HIVEP1: variants seen among roughly 807,000 people sequenced by gnomAD.
HIVEP1 encodes the protein zinc finger protein 40.
Under a neutral mutation model 180.0 loss-of-function variants are expected in HIVEP1, and 36 were observed. That is an observed-to-expected ratio of 0.20 (90% CI 0.15 to 0.26). The LOEUF (loss-of-function observed/expected upper bound fraction) is 0.26. Ranked by LOEUF, HIVEP1 falls within the 10% of genes least tolerant of loss-of-function variation. HIVEP1 has a pLI of 1.00. For synonymous variants in HIVEP1, 1,239 were observed against 1,239.0 expected (o/e 1.00, Z 0.00); for missense variants, 3,143 against 3,268.7 (o/e 0.96, Z 0.94).
Position 12,125,633 on chromosome 6 carries a change from T to C in HIVEP1, c.5838T>C (p.Tyr1946=), listed in dbSNP as rs1758019039. The change falls in exon 4 of 9, where the codon TAT becomes TAC. Residue 1946 remains tyrosine, a synonymous_variant. Transcript: ENST00000379388. ...LKTTTNFTWC[Y]LLRQKSLHLP... is the part of the protein sequence containing the mutation. ...CTACAACCAACTTTACATGGTGTTA[T>C]CTCTTAAGGCAGAAGTCGTTGCATT... is the stretch of plus-strand genomic sequence containing the variant. The C allele has an allele frequency of 6.2e-7, 1 of 1,614,082 alleles. No individual in the cohort carries two copies. The highest frequency in any genetic ancestry group is 8.5e-7 in the Non-Finnish European group (1 of 1,180,032).
intron 2 of HIVEP1, among the ~76,000 whole-genome samples, chr6:12,043,103 T>C (rs913307902): frequency 1.3e-4 from 20 of 152,228 alleles, no homozygotes; most frequent in Non-Finnish European, 2.4e-4. Flanking sequence ...TCCTGTGCTA[T>C]ACTCTTTTGA....
chr6:12,121,998 A>C lies in HIVEP1; in HGVS notation c.2203A>C (p.Met735Leu). Reference sequence around the variant, plus strand: ...AAAGGCATTGCTTTTACCAGGTCAGATGCGCCCACCTTTGGCCACAAAAAC... The same window carrying C: ...AAAGGCATTGCTTTTACCAGGTCAGCTGCGCCCACCTTTGGCCACAAAAAC... ...GEKALLLPGQ[M>L]RPPLATKTLE... Residue 735 changes from methionine to leucine, a missense_variant, in exon 4 of 9, where the codon ATG becomes CTG. This residue lies in a region of HIVEP1 where 365 missense variants were observed against 344.4 expected (regional missense o/e 1.06). Coordinates refer to ENST00000379388, the MANE Select transcript of HIVEP1 (RefSeq NM_002114.4). This position sits in a 1 kb window ranked among gnomAD's most constrained non-coding sequence, Gnocchi z 5.3. 1.2e-6 allele frequency: 2 copies of C among 1,614,166 alleles called. No individual in the cohort carries two copies. Among genetic ancestry groups the C allele is most frequent in the Non-Finnish European group, 1.7e-6 (2 of 1,180,030 alleles).
intron 8 of HIVEP1, 70 bp downstream of exon 8, chr6:12,161,999 G>A: frequency 7.2e-7 from 1 of 1,386,034 alleles, no homozygotes; most frequent in South Asian, 1.4e-5. Context: ...GAACTTAATG[G>A]CTTAAGAAAA....
chr6:12,125,489 A>G lies in HIVEP1; in HGVS notation c.5694A>G (p.Pro1898=). ...ACAATAACCAAGAAAGGAAGTCTCC[A>G]GGGGTTAAAAATCAAGGTGACAAAG... The part of the protein sequence containing the change: ...CTDNNQERKS[P]GVKNQGDKVN... Residue 1898 remains proline (P), a synonymous_variant, in exon 4 of 9, where the codon CCA becomes CCG. Transcript: ENST00000379388. 6.2e-7 allele frequency: 1 copy of G among 1,614,136 alleles called. No homozygotes were observed. The highest frequency in any genetic ancestry group is 8.5e-7 in the Non-Finnish European group (1 of 1,179,986).
chr6:12,068,768 CATATGTTCAT>C (rs1339691279), intron 2 of HIVEP1, among the ~76,000 whole-genome samples: 5 of 152,100 alleles, frequency 3.3e-5, no homozygotes, highest in African/African-American at 1.2e-4. Context: ...CATATTTACA[CATATGTTCAT>C]ATATATTATA....
At chr6:12,038,744 C>G (rs1189515275) in intron 2 of HIVEP1, 1 of 152,398 alleles carries the variant, frequency 6.6e-6, no homozygotes, top group Non-Finnish European at 1.5e-5. Flanking sequence ...CCACCACCAC[C>G]AACAACAACA....
chr6:12,090,097 A>G (rs1278582572), intron 3 of HIVEP1, among the ~76,000 whole-genome samples: 1 of 152,074 alleles, frequency 6.6e-6, no homozygotes, highest in Non-Finnish European at 1.5e-5. Flanking sequence ...TCCAAGTAAT[A>G]TAAAAAAATA....
Position 12,122,127 on chromosome 6 carries a change from G to A in HIVEP1, c.2332G>A (p.Gly778Arg). 3 of 1,614,198 alleles carry A rather than the reference G, an allele frequency of 1.9e-6. No homozygotes were observed. The highest frequency in any genetic ancestry group is 2.5e-6 in the Non-Finnish European group (3 of 1,180,026). ...GCGGAGAACCTCACTGTCAAGACGA[G>A]GAAGCATTGATTCCCCCAAATCATA... ...KPRRTSLSRRGSIDSPKSYIF... is the reference protein window; with the variant it reads ...KPRRTSLSRRRSIDSPKSYIF... Residue 778 changes from glycine to arginine, a missense_variant, in exon 4 of 9, where the codon GGA becomes AGA. Coordinates refer to ENST00000379388, the MANE Select transcript of HIVEP1 (RefSeq NM_002114.4).
At chr6:12,154,126 T>A (rs1759873819) in intron 7 of HIVEP1, among the ~76,000 whole-genome samples, 1 of 152,216 alleles carries the variant, frequency 6.6e-6, no homozygotes, top group Non-Finnish European at 1.5e-5. Context: ...AGTGAAGATA[T>A]GAATCCATAC....
At position 12,125,281 on chromosome 6, in the gene HIVEP1, A is replaced by G. The variant is rs1159734249; in HGVS notation, c.5486A>G (p.Asn1829Ser). ...CCTGAAATTAGTAATGAGGCTGTTA[A>G]TTTGACAAATGTTTTACCAGCTGAT... is the stretch of plus-strand genomic sequence containing the variant. Reference protein sequence around the residue: ...SQPEISNEAVNLTNVLPADNS... With the variant: ...SQPEISNEAVSLTNVLPADNS... Residue 1829 changes from asparagine (N) to serine (S), a missense_variant, in exon 4 of 9, where the codon AAT becomes AGT. By Grantham distance (46) the Asn-to-Ser change is conservative. Around this residue, in one of 12 missense-constraint regions of HIVEP1, gnomAD observed 1,357 missense variants for 1,260.5 expected, o/e 1.08. Transcript: ENST00000379388. The G allele has an allele frequency of 6.2e-7, 1 of 1,614,034 alleles. No individual in the cohort carries two copies. Among genetic ancestry groups the G allele is most frequent in the South Asian group, 1.1e-5 (1 of 91,014 alleles).
chr6:12,092,586 C>T (rs1278270811), intron 3 of HIVEP1, among the ~76,000 whole-genome samples: 1 of 152,092 alleles, frequency 6.6e-6, no homozygotes, highest in Non-Finnish European at 1.5e-5. Context: ...CAAAATGATG[C>T]TATATTGTTT....
chr6:12,015,608 G>A lies in HIVEP1; in HGVS notation c.-21G>A, dbSNP rs908263494. 1.9e-6 allele frequency: 3 copies of A among 1,610,300 alleles called. No individual in the cohort carries two copies. Among genetic ancestry groups the A allele is most frequent in the Admixed American group, 3.4e-5 (2 of 59,438 alleles). On this transcript the variant is annotated 5_prime_UTR_variant, in exon 2 of 9. Coordinates refer to ENST00000379388, the MANE Select transcript of HIVEP1 (RefSeq NM_002114.4). ...TATCTGCAGTTTTTAAGAAGAAAAA[G>A]AAGGCCCTGAGTCAAAGAAGATGCC...
Position 12,122,233 on chromosome 6 carries a change from C to T in HIVEP1, c.2438C>T (p.Pro813Leu). 2.5e-6 allele frequency: 4 copies of T among 1,614,208 alleles called. No individual in the cohort carries two copies. Among genetic ancestry groups the T allele is most frequent in the Non-Finnish European group, 3.4e-6 (4 of 1,180,030 alleles). Residue 813 changes from proline to leucine, a missense_variant, in exon 4 of 9, where the codon CCT (proline) becomes CTT (leucine). Coordinates refer to ENST00000379388, the MANE Select transcript of HIVEP1 (RefSeq NM_002114.4). ...TSSSSDIPKS[P>L]FTPTEKSKQV... ...TCAAGCTCTGATATACCGAAGTCAC[C>T]TTTCACCCCTACTGAAAAATCAAAG...
At chr6:12,185,842 G>A in the HIVEP1 span, among the ~76,000 whole-genome samples, 1 of 152,122 alleles carries the variant, frequency 6.6e-6, no homozygotes, top group Admixed American at 6.5e-5. Context: ...GCATTCTGAT[G>A]GAAATGAACA....
intron 2 of HIVEP1, among the ~76,000 whole-genome samples, chr6:12,072,000 A>C (rs867256666): frequency 5.1e-4 from 78 of 152,098 alleles, no homozygotes; most frequent in African/African-American, 1.9e-3. Flanking sequence ...GGGATTTGGC[A>C]ACCTTTTTTT....
At chr6:12,177,907 A>G in the HIVEP1 span, among the ~76,000 whole-genome samples, 2 of 152,250 alleles carry the variant, frequency 1.3e-5, no homozygotes, top group African/African-American at 4.8e-5. Context: ...TGATTAATTT[A>G]TAAAGAATAT....
the HIVEP1 span, among the ~76,000 whole-genome samples, chr6:12,194,569 G>A: frequency 6.8e-6 from 1 of 147,844 alleles, no homozygotes; most frequent in African/African-American, 2.4e-5. Context: ...GGGAGGCCGA[G>A]GTGGGTGGGT....
chr6:12,168,573 T>A (rs1393146853), downstream of HIVEP1, among the ~76,000 whole-genome samples: 2 of 151,646 alleles, frequency 1.3e-5, no homozygotes, highest in Non-Finnish European at 2.9e-5. Context: ...TACACTGATG[T>A]GAAAATGATA....
At chr6:12,085,265 A>G (rs1773044769) in intron 2 of HIVEP1, among the ~76,000 whole-genome samples, 1 of 152,076 alleles carries the variant, frequency 6.6e-6, no homozygotes, top group South Asian at 2.1e-4. Flanking sequence ...GTTTGCCCAG[A>G]GAAGCCCCAT....
Sources: allele counts gnomAD v4.1 joint callset (sites outside exome capture counted in the v4.1 genomes callset), GRCh38; gene constraint gnomAD v4.1.1; regional missense constraint gnomAD v4.1.1; non-coding constraint Gnocchi (gnomAD v3.1); transcripts MANE v1.5; gene names NCBI Gene and HGNC (gene_info 2026-07-23, HGNC 2026-07-21).